The following DAG1 variants were observed in gnomAD, a reference collection of about 807,000 sequenced individuals.
The protein encoded by DAG1 is dystroglycan 1.
In DAG1, 8 loss-of-function variants were observed where a neutral mutation model predicts 46.1. That is an observed-to-expected ratio of 0.17 (90% CI 0.10 to 0.31). The LOEUF (loss-of-function observed/expected upper bound fraction) is 0.31. Ranked by LOEUF, DAG1 falls within the 10% of genes least tolerant of loss-of-function variation. DAG1 has a pLI of 1.00. For synonymous variants in DAG1, 495 were observed against 481.8 expected (o/e 1.03, Z -0.36); for missense variants, 1,003 against 1,189.9 (o/e 0.84, Z 2.31).
At chr3:49,471,644 G>A (rs1575327779) in intron 1 of DAG1, among the ~76,000 whole-genome samples, 1 of 152,264 alleles carries the variant, frequency 6.6e-6, no homozygotes, top group East Asian at 1.9e-4. Context: ...AAGACCCTAT[G>A]GGATATAAAA....
At chr3:49,500,744 A>G (rs1285562838) in intron 1 of DAG1, among the ~76,000 whole-genome samples, 1 of 152,164 alleles carries the variant, frequency 6.6e-6, no homozygotes, top group African/African-American at 2.4e-5. Flanking sequence ...TCTTGCCAGA[A>G]TCTTTCTGTG....
intron 1 of DAG1, among the ~76,000 whole-genome samples, chr3:49,504,636 G>C (rs1232519473): frequency 8.1e-6 from 1 of 123,346 alleles, no homozygotes; most frequent in Non-Finnish European, 1.6e-5. Flanking sequence ...GCTCAGGCTG[G>C]AGTGCAGTGG....
chr3:49,511,753 A>G (rs1274195172), intron 2 of DAG1, among the ~76,000 whole-genome samples: 1 of 152,246 alleles, frequency 6.6e-6, no homozygotes. Context: ...AGCTCAAGCC[A>G]TCTTCCTGCC....
At chr3:49,479,607 G>A (rs1247041211) in intron 1 of DAG1, among the ~76,000 whole-genome samples, 3 of 139,458 alleles carry the variant, frequency 2.2e-5, no homozygotes, top group South Asian at 2.3e-4. Context: ...AGGCCCCTGC[G>A]CCGGCCTGAA....
intron 2 of DAG1, among the ~76,000 whole-genome samples, chr3:49,516,513 C>T (rs986610077): frequency 6.6e-6 from 1 of 152,232 alleles, no homozygotes; most frequent in African/African-American, 2.4e-5. Flanking sequence ...AAAGTGGCCC[C>T]ACCCTGTCCC....
intron 2 of DAG1, among the ~76,000 whole-genome samples, chr3:49,529,801 A>G (rs1477344785): frequency 6.6e-6 from 1 of 152,102 alleles, no homozygotes; most frequent in African/African-American, 2.4e-5. Context: ...CTGGGGCAAG[A>G]GCTAAGTCAT....
chr3:49,527,498 G>A (rs1047266516), intron 2 of DAG1, among the ~76,000 whole-genome samples: 1 of 130,330 alleles, frequency 7.7e-6, no homozygotes, highest in African/African-American at 2.8e-5. Context: ...GTCCGGCCTG[G>A]GCGAAAGAGC....
At chr3:49,519,451 C>T (rs951926560) in intron 2 of DAG1, among the ~76,000 whole-genome samples, 4 of 152,134 alleles carry the variant, frequency 2.6e-5, no homozygotes, top group Non-Finnish European at 5.9e-5. Flanking sequence ...CAATTGTTCC[C>T]CTGAGAACAA....
At chr3:49,516,485 G>A (rs1318250153) in intron 2 of DAG1, among the ~76,000 whole-genome samples, 1 of 152,208 alleles carries the variant, frequency 6.6e-6, no homozygotes, top group African/African-American at 2.4e-5. Context: ...ATGACTTCTT[G>A]TTGTATTTTC....
At chr3:49,494,316 G>A (rs1459657122) in intron 1 of DAG1, among the ~76,000 whole-genome samples, 1 of 143,268 alleles carries the variant, frequency 7.0e-6, no homozygotes, top group African/African-American at 2.6e-5. Flanking sequence ...GGCTCCTGAG[G>A]CATTGTGCTT....
In DAG1 at chr3:49,481,269, C is replaced by T. The variant is rs190249585; in HGVS notation, c.-117+10836C>T. ...AAAATTAGCCGGGCGTAGTGTTAGGCGCCTGTAGTCCCAGCTACTCTGGAG... is the reference window on the plus strand; with the variant it reads ...AAAATTAGCCGGGCGTAGTGTTAGGTGCCTGTAGTCCCAGCTACTCTGGAG... On this transcript the variant is annotated intron_variant, in intron 1 of 2. Coordinates refer to ENST00000308775, the MANE Select transcript of DAG1 (RefSeq NM_004393.6). Among the ~76,000 whole-genome samples, 28 of 149,788 alleles carry T rather than the reference C, an allele frequency of 1.9e-4. No individual in the cohort carries two copies. The East Asian group carries it at 3.2e-3, about 17-fold the overall frequency.
At chr3:49,479,663 A>G in intron 1 of DAG1, among the ~76,000 whole-genome samples, 1 of 93,908 alleles carries the variant, frequency 1.1e-5, no homozygotes, top group Non-Finnish European at 1.9e-5. Context: ...TTTGAGACCG[A>G]GTCTCCCTCT....
chr3:49,515,512 A>G (rs1373250713), intron 2 of DAG1, among the ~76,000 whole-genome samples: 1 of 151,226 alleles, frequency 6.6e-6, no homozygotes, highest in Admixed American at 6.6e-5. Context: ...CAGCCTTCCA[A>G]GTAACTGGGA....
chr3:49,498,379 C>G (rs2050366935), intron 1 of DAG1, among the ~76,000 whole-genome samples: 1 of 152,096 alleles, frequency 6.6e-6, no homozygotes, highest in African/African-American at 2.4e-5. Context: ...CTGTTTTTAA[C>G]TAGAAGCAGA....
chr3:49,499,156 G>A (rs1249617854), intron 1 of DAG1, among the ~76,000 whole-genome samples: 1 of 152,162 alleles, frequency 6.6e-6, no homozygotes, highest in Non-Finnish European at 1.5e-5. Flanking sequence ...GGTTAATAAT[G>A]GGTTGAGTCT....
At chr3:49,514,724 C>T (rs1431024289) in intron 2 of DAG1, among the ~76,000 whole-genome samples, 5 of 152,034 alleles carry the variant, frequency 3.3e-5, no homozygotes, top group African/African-American at 4.8e-5. Flanking sequence ...CTGCAACCTC[C>T]GCCTCCCGGG....
chr3:49,501,712 C>T (rs1011664039), intron 1 of DAG1, among the ~76,000 whole-genome samples: 1 of 151,452 alleles, frequency 6.6e-6, no homozygotes, highest in Admixed American at 6.6e-5. Flanking sequence ...ACTTGGGAGG[C>T]TGAGGCAGGG....
chr3:49,498,650 G>C (rs183809481), intron 1 of DAG1, among the ~76,000 whole-genome samples: 1 of 151,306 alleles, frequency 6.6e-6, no homozygotes, highest in African/African-American at 2.4e-5. Context: ...TAGGAACATG[G>C]TATTTTATTA....
intron 1 of DAG1, among the ~76,000 whole-genome samples, chr3:49,498,827 G>A (rs1416199039): frequency 6.6e-6 from 1 of 151,742 alleles, no homozygotes; most frequent in East Asian, 1.9e-4. Flanking sequence ...ATTCACCTCA[G>A]CCTCCCAAGT....
Sources: gnomAD v4.1 joint callset for allele counts (sites outside exome capture counted in the v4.1 genomes callset) on GRCh38, gnomAD v4.1.1 for gene constraint, MANE v1.5 for transcripts, NCBI Gene and HGNC (gene_info 2026-07-23, HGNC 2026-07-21) for gene names.